The following PPP2R2C variants were observed in gnomAD, a reference collection of about 807,000 sequenced individuals.
PPP2R2C encodes protein phosphatase 2 regulatory subunit Bgamma.
A neutral mutation model predicts 45.3 loss-of-function variants in PPP2R2C; 10 were observed. The observed-to-expected ratio is 0.22, with a 90% CI of 0.14 to 0.37. The LOEUF is 0.37. PPP2R2C is among the 10% of genes least tolerant of loss of function. The pLI is 1.00. For synonymous variants in PPP2R2C, 257 were observed against 245.4 expected, an observed-to-expected ratio of 1.05 and a Z score of -0.44; for missense variants, 308 against 619.7, an observed-to-expected ratio of 0.50 and a Z score of 5.34.
At chr4:6,516,838 G>A (rs1436337607) in intron 2 of PPP2R2C, among the ~76,000 whole-genome samples, 2 of 152,146 alleles carry the variant, frequency 1.3e-5, no homozygotes, top group East Asian at 3.8e-4. Flanking sequence ...GTCTGTGGGA[G>A]ATGTCACTGG....
chr4:6,385,784 G>A (rs1455365979), intron 1 of PPP2R2C, among the ~76,000 whole-genome samples: 1 of 152,056 alleles, frequency 6.6e-6, no homozygotes, highest in Admixed American at 6.5e-5. Context: ...TGGTCAGGTT[G>A]GTAAACTCCT....
chr4:6,467,686 G>A (rs759368476), intron 1 of PPP2R2C, among the ~76,000 whole-genome samples: 4 of 152,172 alleles, frequency 2.6e-5, no homozygotes, highest in Non-Finnish European at 5.9e-5. Context: ...AGGGCTGTAC[G>A]AGTTGGGGTG....
chr4:6,370,778 AAG>A (rs1408719102), intron 5 of PPP2R2C, among the ~76,000 whole-genome samples: 1 of 152,212 alleles, frequency 6.6e-6, no homozygotes, highest in Non-Finnish European at 1.5e-5. Flanking sequence ...GTGCAGCAGA[AAG>A]AGTCTAACCA....
intron 6 of PPP2R2C, among the ~76,000 whole-genome samples, chr4:6,339,857 C>T (rs1293004041): frequency 3.3e-5 from 5 of 152,200 alleles, no homozygotes; most frequent in African/African-American, 9.6e-5. Context: ...GTGGCCTGGG[C>T]CAGCTGGCCT....
intron 6 of PPP2R2C, among the ~76,000 whole-genome samples, chr4:6,340,670 C>A (rs1246084433): frequency 6.6e-6 from 1 of 152,258 alleles, no homozygotes; most frequent in African/African-American, 2.4e-5. Context: ...ACGCTAGCCC[C>A]CAGCCAGCCC....
intron 1 of PPP2R2C, among the ~76,000 whole-genome samples, chr4:6,398,785 A>G (rs1717223737): frequency 6.6e-6 from 1 of 152,246 alleles, no homozygotes; most frequent in Non-Finnish European, 1.5e-5. Flanking sequence ...ACAAAGGTGC[A>G]TACGTACGTG....
intron 1 of PPP2R2C, among the ~76,000 whole-genome samples, chr4:6,446,296 G>C (rs1248097785): frequency 6.6e-6 from 1 of 152,100 alleles, no homozygotes; most frequent in Non-Finnish European, 1.5e-5. Context: ...CACACCCACA[G>C]ACACCAAGCA....
intron 4 of PPP2R2C, among the ~76,000 whole-genome samples, chr4:6,375,594 A>G (rs910629949): frequency 1.3e-5 from 2 of 151,908 alleles, no homozygotes; most frequent in Admixed American, 1.3e-4. Flanking sequence ...GCCATACACC[A>G]CCCCTGCATG....
chr4:6,516,390 G>T (rs1723830226), intron 2 of PPP2R2C, among the ~76,000 whole-genome samples: 1 of 152,268 alleles, frequency 6.6e-6, no homozygotes, highest in African/African-American at 2.4e-5. Flanking sequence ...CCGCAGTGCT[G>T]CTTTGCAAGG....
chr4:6,383,478 C>T (rs183733143), intron 1 of PPP2R2C: 2 of 1,269,454 alleles, frequency 1.6e-6, no homozygotes, highest in East Asian at 1.1e-4. Context: ...TGCCCTTTCC[C>T]AAAAGTCCTG....
chr4:6,358,569 G>C (rs868342252), intron 5 of PPP2R2C, among the ~76,000 whole-genome samples: 13 of 150,706 alleles, frequency 8.6e-5, no homozygotes, highest in African/African-American at 2.9e-4. Flanking sequence ...CCTACGGAAT[G>C]GGAGAAAATT....
chr4:6,539,266 G>T (rs1018101684), intron 1 of PPP2R2C, among the ~76,000 whole-genome samples: 1 of 152,208 alleles, frequency 6.6e-6, no homozygotes, highest in South Asian at 2.1e-4. Flanking sequence ...GGCACAGGTT[G>T]TGGGCAAAAC....
At chr4:6,357,882 C>T (rs1253687476) in intron 5 of PPP2R2C, among the ~76,000 whole-genome samples, 3 of 152,182 alleles carry the variant, frequency 2.0e-5, no homozygotes, top group Non-Finnish European at 4.4e-5. Flanking sequence ...GTGATCCACA[C>T]AGGCCTCCCG....
intron 1 of PPP2R2C, among the ~76,000 whole-genome samples, chr4:6,453,467 G>A (rs951522976): frequency 6.6e-6 from 1 of 152,052 alleles, no homozygotes; most frequent in Non-Finnish European, 1.5e-5. Context: ...ATGGGCAAAG[G>A]CTGGAAACTG....
chr4:6,355,240 G>T (rs1372663806), intron 5 of PPP2R2C, among the ~76,000 whole-genome samples: 1 of 152,070 alleles, frequency 6.6e-6, no homozygotes, highest in East Asian at 1.9e-4. Context: ...GGTCCCCTCT[G>T]ATCAGGGCTC....
At position 6,522,343 on chromosome 4, in the gene PPP2R2C, C is replaced by T. The variant is rs111989356; in HGVS notation, c.49+12928G>A. Among the ~76,000 whole-genome samples the T allele has an allele frequency of 3.6e-3, 551 of 152,364 alleles. 6 individuals are homozygous for T. Among genetic ancestry groups the T allele is most frequent in the African/African-American group, 0.013 (523 of 41,592 alleles). ...ACCCCAGCCGTGCTGGGAGCACTCCCGGGCATTACCAATCCTCACTGTAGA... is the reference window on the plus strand; with the variant it reads ...ACCCCAGCCGTGCTGGGAGCACTCCTGGGCATTACCAATCCTCACTGTAGA... On this transcript the variant is annotated intron_variant, in intron 2 of 9. Transcript: ENST00000506140.
chr4:6,494,514 G>A (rs4234748), intron 2 of PPP2R2C, among the ~76,000 whole-genome samples: 147,164 of 152,286 alleles, frequency 0.97, 71,319 homozygotes, highest in East Asian at 1. Flanking sequence ...ACTGGTCTCC[G>A]AGACGGAGGG....
intron 2 of PPP2R2C, among the ~76,000 whole-genome samples, chr4:6,484,921 T>G (rs897835359): frequency 3.9e-5 from 6 of 151,902 alleles, no homozygotes; most frequent in Admixed American, 1.3e-4. Context: ...TTTTTTCTCT[T>G]TCTTGCTTTA....
intron 1 of PPP2R2C, among the ~76,000 whole-genome samples, chr4:6,556,988 A>T (rs1021236741): frequency 3.9e-5 from 6 of 152,110 alleles, no homozygotes; most frequent in African/African-American, 7.2e-5. Context: ...CCAGGTGGTA[A>T]ATTTGACAGG....
Sources: gnomAD v4.1 joint callset for allele counts (sites outside exome capture counted in the v4.1 genomes callset) on GRCh38, gnomAD v4.1.1 for gene constraint, MANE v1.5 for transcripts, NCBI Gene and HGNC (gene_info 2026-07-23, HGNC 2026-07-21) for gene names.